MAP2K1: variants seen among roughly 807,000 people sequenced by gnomAD.
MAP2K1 encodes dual specificity mitogen-activated protein kinase kinase 1.
In MAP2K1, 16 loss-of-function variants were observed where a neutral mutation model predicts 46.3. The ratio of observed to expected loss-of-function variants is 0.35; its 90% CI spans 0.23 to 0.52. MAP2K1 has a LOEUF of 0.52. Ranked by LOEUF, MAP2K1 falls within the 20% of genes least tolerant of loss-of-function variation. MAP2K1 has a pLI of 0.94. For missense variants in MAP2K1, 263 were observed against 497.1 expected, an observed-to-expected ratio of 0.53 and a Z score of 4.48; for synonymous variants, 183 against 185.6, an observed-to-expected ratio of 0.99 and a Z score of 0.11.
chr15:66,440,239 A>G (rs566851705), intron 3 of MAP2K1, among the ~76,000 whole-genome samples: 2 of 152,178 alleles, frequency 1.3e-5, no homozygotes, highest in African/African-American at 4.8e-5. Context: ...CTACAGGCAC[A>G]TGCCACTATG....
intron 5 of MAP2K1, among the ~76,000 whole-genome samples, chr15:66,449,037 A>G (rs1311443466): frequency 6.6e-6 from 1 of 150,788 alleles, no homozygotes; most frequent in Non-Finnish European, 1.5e-5. Flanking sequence ...AACAACAACA[A>G]CCAAAAACAT....
At chr15:66,464,845 G>C (rs1402317670) in intron 5 of MAP2K1, among the ~76,000 whole-genome samples, 2 of 151,742 alleles carry the variant, frequency 1.3e-5, no homozygotes, top group African/African-American at 4.8e-5. Context: ...TTGTTTTAGA[G>C]ACCTGTAGCC....
intron 7 of MAP2K1, among the ~76,000 whole-genome samples, chr15:66,486,023 T>G (rs550466770): frequency 1.3e-5 from 2 of 152,138 alleles, no homozygotes; most frequent in Admixed American, 6.5e-5. Context: ...CTCAGCCTCC[T>G]GAGTAGCTGA....
Position 66,420,922 on chromosome 15 carries a change from C to CATAT in MAP2K1, c.81-14099_81-14096dup, listed in dbSNP as rs201021234. Among the ~76,000 whole-genome samples the CATAT allele has an allele frequency of 2.7e-3, 342 of 128,240 alleles. 11 individuals are homozygous for CATAT. Among genetic ancestry groups the CATAT allele is most frequent in the African/African-American group, 9.5e-3 (331 of 34,766 alleles). 84.1% of individuals were successfully genotyped at this position (128,240 alleles called of 152,430 possible). A position where few individuals can be genotyped will look rare whatever the true frequency, so the allele number is the denominator to read the frequency against. ...ATACATACATACACACACATACATA[C>CATAT]ATATATATACACACATACATATATA... On this transcript the variant is annotated intron_variant, in intron 1 of 10. Coordinates refer to ENST00000307102, the MANE Select transcript of MAP2K1 (RefSeq NM_002755.4).
intron 5 of MAP2K1, among the ~76,000 whole-genome samples, chr15:66,477,268 A>T (rs1892774968): frequency 1.3e-5 from 2 of 152,202 alleles, no homozygotes. Context: ...AGATACAAGG[A>T]CAGCTAGAGG....
intron 6 of MAP2K1, 138 bp from the exon 7 acceptor site, chr15:66,484,852 G>C: frequency 1.2e-6 from 1 of 808,620 alleles, no homozygotes; most frequent in South Asian, 1.3e-5. Context: ...GGGGTAGGCA[G>C]GAGGCCAAAT....
At chr15:66,476,420 G>A (rs1246818695) in intron 5 of MAP2K1, among the ~76,000 whole-genome samples, 1 of 152,248 alleles carries the variant, frequency 6.6e-6, no homozygotes, top group East Asian at 1.9e-4. Flanking sequence ...GACTCCAGGA[G>A]CAGGGCATTA....
Position 66,485,182 on chromosome 15 carries a change from C to T in MAP2K1, c.886C>T (p.Pro296Ser). The T allele has an allele frequency of 1.2e-6, 2 of 1,613,636 alleles. No homozygotes were observed. The highest frequency in any genetic ancestry group is 8.5e-7 in the Non-Finnish European group (1 of 1,179,938). ...ACCCAGGCCAAGGACCCCCGGGAGG[C>T]CCCTTAGCTGTGAGTAGCCTGGTGT... ...TPPRPRTPGRPLSSYGMDSRP... is the reference protein window; with the variant it reads ...TPPRPRTPGRSLSSYGMDSRP... The change falls in exon 7 of 11, where the codon CCC becomes TCC. Residue 296 changes from proline (P) to serine (S), a missense_variant. Transcript: ENST00000307102.
chr15:66,420,789 GTGTGTATATATA>G lies in MAP2K1; in HGVS notation c.81-14212_81-14201del, dbSNP rs1689968179. ...TGTGTATATATATGTGTATATATAT[GTGTGTATATATA>G]TGTGTATATATATGTGTATATATAT... is the stretch of plus-strand genomic sequence containing the variant. On this transcript the variant is annotated intron_variant, in intron 1 of 10. Transcript: ENST00000307102. Among the ~76,000 whole-genome samples the G allele has an allele frequency of 3.4e-4, 6 of 17,902 alleles. 1 individual carries two copies. Among genetic ancestry groups the G allele is most frequent in the African/African-American group, 6.0e-4 (5 of 8,354 alleles). 11.7% of individuals were successfully genotyped at this position (17,902 alleles called of 152,430 possible).
chr15:66,421,939 C>T (rs1180752923), intron 1 of MAP2K1, among the ~76,000 whole-genome samples: 3 of 149,708 alleles, frequency 2.0e-5, no homozygotes, highest in African/African-American at 7.4e-5. Context: ...GTTTGAGCCT[C>T]ATATCCCCAC....
chr15:66,467,510 A>G (rs1892497231), intron 5 of MAP2K1, among the ~76,000 whole-genome samples: 1 of 152,184 alleles, frequency 6.6e-6, no homozygotes, highest in Non-Finnish European at 1.5e-5. Flanking sequence ...ATAATTCAAG[A>G]CTTAGCTATT....
intron 5 of MAP2K1, among the ~76,000 whole-genome samples, chr15:66,478,585 A>T (rs539517040): frequency 6.7e-6 from 1 of 148,918 alleles, no homozygotes; most frequent in Non-Finnish European, 1.5e-5. Flanking sequence ...TGCAACTTCT[A>T]CCTCCCGGGT....
chr15:66,479,639 G>GCATGCATGTATC (rs546027555), intron 5 of MAP2K1, among the ~76,000 whole-genome samples: 37 of 152,336 alleles, frequency 2.4e-4, no homozygotes, highest in African/African-American at 8.9e-4. Flanking sequence ...TGCAGTGTGT[G>GCATGCATGTATC]CATGCATGTA....
intron 1 of MAP2K1, among the ~76,000 whole-genome samples, chr15:66,431,686 AT>A (rs58119946): frequency 6.6e-6 from 1 of 152,138 alleles, no homozygotes; most frequent in East Asian, 1.9e-4. Context: ...AGAAATTCTT[AT>A]TTTTTTGTTG....
intron 5 of MAP2K1, chr15:66,446,710 G>T: frequency 2.7e-6 from 1 of 369,230 alleles, no homozygotes; most frequent in Non-Finnish European, 5.8e-6. Context: ...AGGAAGAACT[G>T]CCTGCTCCCA....
chr15:66,480,387 T>C (rs1595884119), intron 5 of MAP2K1, among the ~76,000 whole-genome samples: 2 of 152,102 alleles, frequency 1.3e-5, no homozygotes, highest in African/African-American at 4.8e-5. Context: ...ATCGCCCGGC[T>C]TTTGTTTTTC....
chr15:66,454,627 G>A (rs913076776), intron 5 of MAP2K1, among the ~76,000 whole-genome samples: 1 of 152,192 alleles, frequency 6.6e-6, no homozygotes, highest in African/African-American at 2.4e-5. Context: ...GCTCATACCT[G>A]TAATCCCAGC....
At position 66,392,430 on chromosome 15, in the gene MAP2K1, C is replaced by T. The variant is rs1372019413; in HGVS notation, c.80+5003C>T. On this transcript the variant is annotated intron_variant, in intron 1 of 10. Transcript: ENST00000307102. Reference sequence around the variant, plus strand: ...TTGGGCTCAAGCGATCTGCCCACCTCATCTTCCCAAAGTGCTGAAATTATA... The same window carrying T: ...TTGGGCTCAAGCGATCTGCCCACCTTATCTTCCCAAAGTGCTGAAATTATA... 1.7e-4 allele frequency among the ~76,000 whole-genome samples: 26 copies of T among 151,484 alleles called. 1 individual carries two copies. Among genetic ancestry groups the T allele is most frequent in the Admixed American group, 6.6e-5 (1 of 15,224 alleles).
intron 1 of MAP2K1, among the ~76,000 whole-genome samples, chr15:66,416,139 A>G (rs2093424058): frequency 6.6e-6 from 1 of 151,936 alleles, no homozygotes; most frequent in Admixed American, 6.6e-5. Context: ...TGGGGATTAC[A>G]TTTTCTGACC....
Sources: allele counts gnomAD v4.1 joint callset (sites outside exome capture counted in the v4.1 genomes callset), GRCh38; gene constraint gnomAD v4.1.1; transcripts MANE v1.5; gene names NCBI Gene and HGNC (gene_info 2026-07-23, HGNC 2026-07-21).